WDFY4: variants seen among roughly 807,000 people sequenced by gnomAD.
WDFY4 encodes the protein WD repeat- and FYVE domain-containing protein 4.
WDFY4 carries 169 observed loss-of-function variants against 351.9 expected under a neutral mutation model. The observed-to-expected ratio is 0.48, with a 90% CI of 0.42 to 0.55. WDFY4 has a LOEUF of 0.55. Among genes scored for constraint, WDFY4 ranks in the 20% least tolerant of loss-of-function variants. WDFY4 has a pLI of 0.00. For synonymous variants in WDFY4, 1,622 were observed against 1,574.6 expected, an observed-to-expected ratio of 1.03 and a Z score of -0.71; for missense variants, 3,803 against 3,935.6, an observed-to-expected ratio of 0.97 and a Z score of 0.90.
intron 57 of WDFY4, among the ~76,000 whole-genome samples, chr10:48,972,756 T>C (rs1443744167): frequency 6.6e-6 from 1 of 152,184 alleles, no homozygotes; most frequent in Non-Finnish European, 1.5e-5. Context: ...TCCAAAATGG[T>C]TCTGTGACTT....
At chr10:48,909,081 A>G (rs1208776554) in intron 47 of WDFY4, among the ~76,000 whole-genome samples, 9 of 152,122 alleles carry the variant, frequency 5.9e-5, no homozygotes, top group African/African-American at 1.7e-4. Flanking sequence ...GATACATTCA[A>G]GTTGTTGCAT....
chr10:48,926,672 A>T (rs903393634), intron 47 of WDFY4, among the ~76,000 whole-genome samples: 11 of 152,226 alleles, frequency 7.2e-5, no homozygotes, highest in African/African-American at 2.7e-4. Flanking sequence ...TGTACCATAT[A>T]TATGTGGGTA....
intron 19 of WDFY4, among the ~76,000 whole-genome samples, chr10:48,780,726 A>G (rs1380014903): frequency 2.6e-5 from 4 of 152,346 alleles, no homozygotes; most frequent in African/African-American, 7.2e-5. Flanking sequence ...AGCCATTGTC[A>G]GAGAAGAGAG....
At chr10:48,888,283 C>T (rs953976224) in intron 43 of WDFY4, among the ~76,000 whole-genome samples, 1 of 143,168 alleles carries the variant, frequency 7.0e-6, no homozygotes, top group African/African-American at 2.6e-5. Flanking sequence ...CTCTCCCCTC[C>T]CCCTCCCTCC....
At chr10:48,743,725 G>A (rs1481049995) in intron 12 of WDFY4, among the ~76,000 whole-genome samples, 177 bp downstream of exon 12, 2 of 152,166 alleles carry the variant, frequency 1.3e-5, no homozygotes, top group East Asian at 3.9e-4. Flanking sequence ...TCTACCTTGG[G>A]AGCTGATGGA....
At chr10:48,742,781 A>G (rs1385534405) in intron 11 of WDFY4, among the ~76,000 whole-genome samples, 187 bp from the exon 12 acceptor site, 1 of 152,236 alleles carries the variant, frequency 6.6e-6, no homozygotes, top group African/African-American at 2.4e-5. Context: ...GTAGGCACAC[A>G]TGGAAAACCT....
intron 13 of WDFY4, among the ~76,000 whole-genome samples, chr10:48,762,274 A>C (rs943788687): frequency 6.6e-6 from 1 of 152,210 alleles, no homozygotes; most frequent in Non-Finnish European, 1.5e-5. Flanking sequence ...CCAGGAAAGG[A>C]AATCTGTAGT....
rs78141144 is a variant in WDFY4, at chr10:48,959,241, G to A, written c.8132-481G>A. On this transcript the variant is annotated intron_variant, in intron 52 of 61. Transcript: ENST00000325239. Reference sequence around the variant, plus strand: ...ACCTTGCTGTCCTCGCCTTAAAAACGGAGAGAAAATGCATAAATTATCAAG... The same window carrying A: ...ACCTTGCTGTCCTCGCCTTAAAAACAGAGAGAAAATGCATAAATTATCAAG... 2.9e-3 allele frequency among the ~76,000 whole-genome samples: 448 copies of A among 152,256 alleles called. 5 individuals carry two copies. Among genetic ancestry groups the A allele is most frequent in the Non-Finnish European group, 5.1e-3 (347 of 68,016 alleles).
chr10:48,917,084 A>G lies in WDFY4; in HGVS notation c.7586+15221A>G, dbSNP rs546763022. On this transcript the variant is annotated intron_variant, in intron 47 of 61. Coordinates refer to ENST00000325239, the MANE Select transcript of WDFY4 (RefSeq NM_001394531.1). Reference sequence around the variant, plus strand: ...TGTTTAGTACAGTAACATGCTGTACAGGTCTGTAGCCTGGAAGCAATAGAC... The same window carrying G: ...TGTTTAGTACAGTAACATGCTGTACGGGTCTGTAGCCTGGAAGCAATAGAC... Among the ~76,000 whole-genome samples, 3 of 152,348 alleles carry G rather than the reference A, an allele frequency of 2.0e-5. No individual in the cohort carries two copies. The East Asian group carries it at 5.8e-4, about 29-fold the overall frequency.
chr10:48,857,359 G>C (rs1450293848), intron 39 of WDFY4, among the ~76,000 whole-genome samples: 1 of 151,108 alleles, frequency 6.6e-6, no homozygotes, highest in Non-Finnish European at 1.5e-5. Flanking sequence ...CCTCCTATAA[G>C]CTCTTGGTGG....
chr10:48,759,559 C>T (rs550649449), intron 12 of WDFY4, among the ~76,000 whole-genome samples: 1 of 152,252 alleles, frequency 6.6e-6, no homozygotes, highest in East Asian at 1.9e-4. Flanking sequence ...GCTGCTGTTG[C>T]TGATGCTGAG....
At chr10:48,875,456 C>T (rs903711803) in intron 42 of WDFY4, among the ~76,000 whole-genome samples, 4 of 152,194 alleles carry the variant, frequency 2.6e-5, no homozygotes, top group African/African-American at 4.8e-5. Context: ...GTGCTGTCAC[C>T]TAGGCTGGGG....
chr10:48,920,153 A>G (rs1451548426), intron 47 of WDFY4, among the ~76,000 whole-genome samples: 1 of 152,226 alleles, frequency 6.6e-6, no homozygotes, highest in Admixed American at 6.5e-5. Flanking sequence ...ATTGATGCAG[A>G]AAAGACATTT....
At chr10:48,972,177 C>T (rs552355062) in intron 57 of WDFY4, among the ~76,000 whole-genome samples, 1 of 152,314 alleles carries the variant, frequency 6.6e-6, no homozygotes, top group African/African-American at 2.4e-5. Flanking sequence ...CCTGTAAAGG[C>T]TAATGTAGGC....
Position 48,976,978 on chromosome 10 carries a change from G to A in WDFY4, c.9290G>A (p.Arg3097Gln), listed in dbSNP as rs562687906. 1.5e-5 allele frequency: 21 copies of A among 1,440,552 alleles called. No individual in the cohort carries two copies. The highest frequency in any genetic ancestry group is 5.9e-5 in the South Asian group (4 of 68,042). The allele number at this position is 1,440,552 out of a possible 1,614,324, so 89.2% of individuals were successfully genotyped here. A position where few individuals can be genotyped will look rare whatever the true frequency, so the allele number is the denominator to read the frequency against. Residue 3097 changes from arginine to glutamine, a missense_variant and splice_region_variant, in exon 59 of 62, where the codon CGG becomes CAG. Coordinates refer to ENST00000325239, the MANE Select transcript of WDFY4 (RefSeq NM_001394531.1). ...IITGSQDGMV[R>Q]VWKTEDVKMS... ...ACCGGGAGTCAAGACGGCATGGTCC[G>A]GGTAGGTGTGTCTTGGGCAGAATGA...
At chr10:48,864,835 G>A (rs965336357) in intron 39 of WDFY4, among the ~76,000 whole-genome samples, 7 of 152,098 alleles carry the variant, frequency 4.6e-5, no homozygotes, top group Non-Finnish European at 7.4e-5. Context: ...GTTATAAGAG[G>A]AATCGCTTTC....
At chr10:48,829,023 A>G (rs1825295612) in intron 37 of WDFY4, 127 bp downstream of exon 37, 4 of 604,258 alleles carry the variant, frequency 6.6e-6, no homozygotes, top group Non-Finnish European at 8.4e-6. Context: ...AGCAGATACT[A>G]TTAAGGACAT....
intron 13 of WDFY4, among the ~76,000 whole-genome samples, chr10:48,766,678 G>A (rs2132556391): frequency 6.6e-6 from 1 of 152,326 alleles, no homozygotes; most frequent in East Asian, 1.9e-4. Flanking sequence ...AAGCTTCCAT[G>A]GATGTGGAAT....
chr10:48,753,127 G>A lies in WDFY4; in HGVS notation c.2460-7220G>A, dbSNP rs116230705. 4.0e-3 allele frequency among the ~76,000 whole-genome samples: 614 copies of A among 152,186 alleles called. 2 individuals are homozygous for A. Among genetic ancestry groups the A allele is most frequent in the African/African-American group, 0.014 (570 of 41,504 alleles). ...TGTTTCTCTAATGGCTAATAATGTT[G>A]AATTTTTTTATGTGCTTTTTGGCCA... is the stretch of plus-strand genomic sequence containing the variant. On this transcript the variant is annotated intron_variant, in intron 12 of 61. Coordinates refer to ENST00000325239, the MANE Select transcript of WDFY4 (RefSeq NM_001394531.1).
Sources: allele counts gnomAD v4.1 joint callset (sites outside exome capture counted in the v4.1 genomes callset), GRCh38; gene constraint gnomAD v4.1.1; transcripts MANE v1.5; gene names NCBI Gene and HGNC (gene_info 2026-07-23, HGNC 2026-07-21).